Variants in CPA6 observed in about 807,000 individuals in gnomAD.
CPA6 encodes the protein carboxypeptidase A6.
A neutral mutation model predicts 63.3 loss-of-function variants in CPA6; 58 were observed. The ratio of observed to expected loss-of-function variants is 0.92; its 90% CI spans 0.74 to 1.14. CPA6 has a LOEUF of 1.14. Ranked by LOEUF, CPA6 falls within the 50% of genes most tolerant of loss-of-function variation. The pLI is 0.00. For missense variants in CPA6, 565 were observed against 526.6 expected (o/e 1.07, Z -0.71); for synonymous variants, 185 against 179.0 (o/e 1.03, Z -0.27).
chr8:67,720,206 G>A (rs1817468403), intron 1 of CPA6, among the ~76,000 whole-genome samples: 2 of 132,804 alleles, frequency 1.5e-5, no homozygotes, highest in Admixed American at 7.0e-5. Context: ...GAGCCAGGAT[G>A]AGCCAGGAAA....
At chr8:67,585,855 G>A (rs545990937) in intron 2 of CPA6, among the ~76,000 whole-genome samples, 4 of 152,224 alleles carry the variant, frequency 2.6e-5, no homozygotes, top group Non-Finnish European at 5.9e-5. Context: ...TAGATTAATG[G>A]TAGGGGGTAA....
chr8:67,629,479 C>CAAAAAAA (rs34412333), intron 1 of CPA6, among the ~76,000 whole-genome samples: 1 of 94,028 alleles, frequency 1.1e-5, no homozygotes, highest in African/African-American at 3.6e-5. Flanking sequence ...GACCCTGTCT[C>CAAAAAAA]AAAAAAAAAA....
At chr8:67,717,171 G>A (rs1817399730) in intron 1 of CPA6, among the ~76,000 whole-genome samples, 1 of 152,194 alleles carries the variant, frequency 6.6e-6, no homozygotes, top group Non-Finnish European at 1.5e-5. Context: ...AAAATAGCCT[G>A]CAACAGAGGG....
chr8:67,638,633 A>G (rs897839547), intron 1 of CPA6, among the ~76,000 whole-genome samples: 1 of 151,528 alleles, frequency 6.6e-6, no homozygotes, highest in Non-Finnish European at 1.5e-5. Context: ...GAAGTGCTTC[A>G]TCTAAGAGGA....
intron 1 of CPA6, among the ~76,000 whole-genome samples, chr8:67,731,828 T>C (rs186100294): frequency 6.6e-6 from 1 of 152,264 alleles, no homozygotes; most frequent in East Asian, 1.9e-4. Context: ...ACACTGGAAG[T>C]TCTTTGGTTT....
At chr8:67,450,039 C>A (rs544728326) in intron 8 of CPA6, among the ~76,000 whole-genome samples, 7 of 152,178 alleles carry the variant, frequency 4.6e-5, no homozygotes, top group Non-Finnish European at 8.8e-5. Context: ...TGGTCTCGAA[C>A]TCCTGACCTC....
At chr8:67,507,146 A>G (rs1359717456) in intron 5 of CPA6, among the ~76,000 whole-genome samples, 3 of 151,996 alleles carry the variant, frequency 2.0e-5, no homozygotes, top group Non-Finnish European at 4.4e-5. Flanking sequence ...TTGCTTCTTT[A>G]TTTTTAAAAT....
chr8:67,715,479 A>G (rs1192189467), intron 1 of CPA6, among the ~76,000 whole-genome samples: 8 of 152,204 alleles, frequency 5.3e-5, no homozygotes, highest in Admixed American at 2.6e-4. Flanking sequence ...CCATTTTCCA[A>G]TGTATTCCAG....
At chr8:67,457,117 T>C (rs1039548483) in intron 8 of CPA6, among the ~76,000 whole-genome samples, 1 of 152,212 alleles carries the variant, frequency 6.6e-6, no homozygotes, top group Non-Finnish European at 1.5e-5. Flanking sequence ...GTCACCAAGT[T>C]TGTAATTTGT....
At chr8:67,440,271 G>T (rs1810260809) in intron 8 of CPA6, among the ~76,000 whole-genome samples, 1 of 152,012 alleles carries the variant, frequency 6.6e-6, no homozygotes, top group Non-Finnish European at 1.5e-5. Flanking sequence ...ATCACTTAAA[G>T]AAAGACATAT....
Position 67,430,131 on chromosome 8 carries a change from A to ATGTGTGTG in CPA6, c.1042-2008_1042-2001dup, listed in dbSNP as rs58059553. 2.8e-3 allele frequency among the ~76,000 whole-genome samples: 366 copies of ATGTGTGTG among 128,660 alleles called. 7 individuals are homozygous for ATGTGTGTG. The highest frequency in any genetic ancestry group is 8.8e-3 in the African/African-American group (297 of 33,870). The allele number at this position is 128,660 out of a possible 152,430, so 84.4% of individuals were successfully genotyped here. ...TCAGCTAAGTAAATGGTATATATAT[A>ATGTGTGTG]TGTGTGTGTGTGTGTGTGTGTGTGT... On this transcript the variant is annotated intron_variant, in intron 9 of 10. Transcript: ENST00000297770.
At position 67,511,574 on chromosome 8, in the gene CPA6, T is replaced by C. The variant is rs557186136; in HGVS notation, c.399A>G (p.Gly133=). 7 of 1,609,478 alleles carry C rather than the reference T, an allele frequency of 4.3e-6. No individual in the cohort carries two copies. The South Asian group carries it at 6.6e-5, about 15-fold the overall frequency. The change falls in exon 4 of 11, where the codon GGA becomes GGG. Residue 133 remains glycine (G), a synonymous_variant. Coordinates refer to ENST00000297770, the MANE Select transcript of CPA6 (RefSeq NM_020361.5). ...AGGAGTGATAAACTTCATAATTATA[T>C]CCAGAGAGGGATCTTCGGTTTCTCT... ...HTQRNRRSLS[G]YNYEVYHSLE...
At chr8:67,569,472 A>G in intron 2 of CPA6, 1 of 289,196 alleles carries the variant, frequency 3.5e-6, no homozygotes, top group Non-Finnish European at 7.2e-6. Context: ...AGCCAGAGCC[A>G]CAGGCTAAGA....
At chr8:67,441,986 A>C (rs1279733848) in intron 8 of CPA6, among the ~76,000 whole-genome samples, 1 of 152,172 alleles carries the variant, frequency 6.6e-6, no homozygotes, top group East Asian at 1.9e-4. Context: ...GACTTTATGT[A>C]TGTTTGGTCA....
chr8:67,456,212 G>A (rs749442505), intron 8 of CPA6, among the ~76,000 whole-genome samples: 5 of 152,178 alleles, frequency 3.3e-5, no homozygotes, highest in South Asian at 2.1e-4. Flanking sequence ...CTCTGAAGAC[G>A]GATTGCATTC....
chr8:67,488,084 C>T (rs188072186), intron 6 of CPA6, among the ~76,000 whole-genome samples: 4,537 of 152,222 alleles, frequency 0.03, 227 homozygotes, highest in African/African-American at 0.1. Flanking sequence ...ATTTTGGCTT[C>T]TGTTGCCTTT....
intron 2 of CPA6, among the ~76,000 whole-genome samples, chr8:67,623,101 C>T (rs558680749): frequency 2.6e-5 from 4 of 152,324 alleles, no homozygotes; most frequent in Admixed American, 2.6e-4. Flanking sequence ...CATAGCAAAA[C>T]TAATTAACTT....
intron 10 of CPA6, among the ~76,000 whole-genome samples, chr8:67,426,969 G>T (rs1349551188): frequency 6.6e-6 from 1 of 152,158 alleles, no homozygotes; most frequent in Non-Finnish European, 1.5e-5. Flanking sequence ...ATTCTTTGTC[G>T]AAGTTCTTGC....
At chr8:67,650,974 A>T (rs1460268307) in intron 1 of CPA6, among the ~76,000 whole-genome samples, 1 of 152,140 alleles carries the variant, frequency 6.6e-6, no homozygotes, top group Non-Finnish European at 1.5e-5. Flanking sequence ...GCAGCTCAGG[A>T]GTAAGTTTAA....
Sources: allele counts gnomAD v4.1 joint callset (sites outside exome capture counted in the v4.1 genomes callset), GRCh38; gene constraint gnomAD v4.1.1; transcripts MANE v1.5; gene names NCBI Gene and HGNC (gene_info 2026-07-23, HGNC 2026-07-21).